MAPRE2: variants seen among roughly 807,000 people sequenced by gnomAD.
MAPRE2 encodes the protein microtubule-associated protein RP/EB family member 2.
MAPRE2 carries 13 observed loss-of-function variants against 43.2 expected under a neutral mutation model. The observed-to-expected ratio is 0.30, with a 90% CI of 0.20 to 0.48. The LOEUF is 0.48. MAPRE2 is among the 20% of genes least tolerant of loss of function. The pLI is 0.99. For synonymous variants in MAPRE2, 135 were observed against 148.8 expected, an observed-to-expected ratio of 0.91 and a Z score of 0.68; for missense variants, 161 against 400.2, an observed-to-expected ratio of 0.40 and a Z score of 5.10.
intron 1 of MAPRE2, among the ~76,000 whole-genome samples, chr18:35,059,042 G>T (rs900639447): frequency 6.6e-6 from 1 of 151,984 alleles, no homozygotes; most frequent in Non-Finnish European, 1.5e-5. Flanking sequence ...TTGTTGCAAA[G>T]ATTAAATTAA....
intron 2 of MAPRE2, among the ~76,000 whole-genome samples, chr18:35,019,028 ATTTAT>A (rs2097040300): frequency 6.9e-6 from 1 of 144,748 alleles, no homozygotes; most frequent in Non-Finnish European, 1.5e-5. Context: ...GTCTGTTTTC[ATTTAT>A]TTCAAAGAAT....
chr18:35,137,979 G>A (rs1350434568), intron 6 of MAPRE2, among the ~76,000 whole-genome samples: 1 of 152,196 alleles, frequency 6.6e-6, no homozygotes, highest in Non-Finnish European at 1.5e-5. Flanking sequence ...TGGATGAGAG[G>A]AGAGCACTGG....
chr18:35,049,961 T>C (rs1451180621), intron 1 of MAPRE2, among the ~76,000 whole-genome samples: 11 of 152,214 alleles, frequency 7.2e-5, no homozygotes, highest in Non-Finnish European at 1.3e-4. Flanking sequence ...AAAGGCTTAT[T>C]TATCTGTTTT....
At chr18:35,107,777 A>G (rs1908977083) in intron 4 of MAPRE2, among the ~76,000 whole-genome samples, 1 of 152,008 alleles carries the variant, frequency 6.6e-6, no homozygotes, top group Admixed American at 6.6e-5. Context: ...CTTACCTAAT[A>G]CCAGTGTCAG....
chr18:35,038,891 G>T (rs891262773), upstream of MAPRE2, among the ~76,000 whole-genome samples: 3 of 152,214 alleles, frequency 2.0e-5, no homozygotes, highest in African/African-American at 7.2e-5. Context: ...CAGTCTTAGA[G>T]GAAGATTTAC....
intron 1 of MAPRE2, among the ~76,000 whole-genome samples, chr18:34,993,601 T>C (rs2097024910): frequency 6.6e-6 from 1 of 152,136 alleles, no homozygotes; most frequent in South Asian, 2.1e-4. Context: ...TGAACAGAAG[T>C]CGGAATCATT....
chr18:35,087,188 A>G (rs750923910), intron 2 of MAPRE2, among the ~76,000 whole-genome samples: 3 of 152,114 alleles, frequency 2.0e-5, no homozygotes, highest in Non-Finnish European at 4.4e-5. Flanking sequence ...CATTATGTCA[A>G]TTTTGATGTA....
chr18:35,020,051 C>T (rs1050179937), intron 2 of MAPRE2, among the ~76,000 whole-genome samples: 3 of 152,094 alleles, frequency 2.0e-5, no homozygotes, highest in Non-Finnish European at 4.4e-5. Context: ...GTGGATGACA[C>T]AGATTTTCAG....
chr18:34,996,353 G>A (rs974325767), intron 1 of MAPRE2, among the ~76,000 whole-genome samples: 9 of 152,024 alleles, frequency 5.9e-5, no homozygotes, highest in African/African-American at 1.2e-4. Context: ...CATAAGCAGC[G>A]GGCAACCTAG....
intron 1 of MAPRE2, among the ~76,000 whole-genome samples, chr18:35,046,347 G>A (rs1186428549): frequency 6.6e-6 from 1 of 152,130 alleles, no homozygotes; most frequent in Non-Finnish European, 1.5e-5. Context: ...TAGCGAAAGT[G>A]GTTTGCATTT....
In MAPRE2 at chr18:35,101,929, G is replaced by A. The variant is rs1316694020; in HGVS notation, c.397-17G>A. On this transcript the variant is annotated splice_polypyrimidine_tract_variant and intron_variant, in intron 3 of 6. Coordinates refer to ENST00000300249, the MANE Select transcript of MAPRE2 (RefSeq NM_014268.4). Reference sequence around the variant, plus strand: ...AAACGTGAGGTTTGTAACTCACATAGTGATTTTTTATTGCAGGTAATTCCA... The same window carrying A: ...AAACGTGAGGTTTGTAACTCACATAATGATTTTTTATTGCAGGTAATTCCA... 8.3e-6 allele frequency: 13 copies of A among 1,572,622 alleles called. No homozygotes were observed. Among genetic ancestry groups the A allele is most frequent in the South Asian group, 1.2e-5 (1 of 84,792 alleles).
At chr18:35,018,756 C>CT (rs772000551) in intron 2 of MAPRE2, among the ~76,000 whole-genome samples, 15 of 151,694 alleles carry the variant, frequency 9.9e-5, no homozygotes, top group Non-Finnish European at 1.9e-4. Flanking sequence ...TCTTGTTTAT[C>CT]TTTTCAAAGA....
chr18:35,095,392 A>ACACACG (rs1555917938), intron 2 of MAPRE2, among the ~76,000 whole-genome samples: 4,257 of 149,286 alleles, frequency 0.029, 193 homozygotes, highest in African/African-American at 0.1. Context: ...ACACACACAC[A>ACACACG]CACACACACG....
intron 1 of MAPRE2, among the ~76,000 whole-genome samples, chr18:35,054,423 C>G (rs1906109754): frequency 6.6e-6 from 1 of 152,192 alleles, no homozygotes; most frequent in African/African-American, 2.4e-5. Flanking sequence ...GTGGGTGCCA[C>G]TTATTTCGTT....
chr18:35,111,420 C>T (rs1208525598), intron 4 of MAPRE2, among the ~76,000 whole-genome samples: 3 of 152,124 alleles, frequency 2.0e-5, no homozygotes, highest in Non-Finnish European at 4.4e-5. Flanking sequence ...CAATTGACAT[C>T]TGTTGATTTT....
In MAPRE2 at chr18:35,101,903, C is replaced by T. The variant is rs1302031959; in HGVS notation, c.397-43C>T. On this transcript the variant is annotated intron_variant, in intron 3 of 6. Transcript: ENST00000300249. The stretch of plus-strand genomic sequence containing the variant: ...ATTTCCTTTCTTTTGGGTATATACC[C>T]AAACGTGAGGTTTGTAACTCACATA... 6.3e-6 allele frequency: 9 copies of T among 1,436,528 alleles called. No homozygotes were observed. In the East Asian group the frequency reaches 1.9e-4, roughly 30 times the overall value. The allele number at this position is 1,436,528 out of a possible 1,614,324, so 89.0% of individuals were successfully genotyped here. A position where few individuals can be genotyped will look rare whatever the true frequency, so the allele number is the denominator to read the frequency against.
chr18:35,079,990 G>A (rs1250042998), intron 2 of MAPRE2, among the ~76,000 whole-genome samples: 2 of 152,196 alleles, frequency 1.3e-5, no homozygotes, highest in Non-Finnish European at 2.9e-5. Flanking sequence ...CAAGTAATAA[G>A]TGCTGTATTC....
chr18:35,053,615 T>C (rs1906063475), intron 1 of MAPRE2, among the ~76,000 whole-genome samples: 1 of 152,200 alleles, frequency 6.6e-6, no homozygotes, highest in Non-Finnish European at 1.5e-5. Flanking sequence ...TTCTTTGTAT[T>C]GTGTGTCCCC....
intron 1 of MAPRE2, among the ~76,000 whole-genome samples, chr18:35,059,179 C>G (rs1362645504): frequency 6.6e-6 from 1 of 152,234 alleles, no homozygotes; most frequent in Admixed American, 6.5e-5. Flanking sequence ...AGTTGAGACA[C>G]ATGTGCCCAC....
Sources: allele counts gnomAD v4.1 joint callset (sites outside exome capture counted in the v4.1 genomes callset), GRCh38; gene constraint gnomAD v4.1.1; transcripts MANE v1.5; gene names NCBI Gene and HGNC (gene_info 2026-07-23, HGNC 2026-07-21).